THSD7B: variants seen among roughly 807,000 people sequenced by gnomAD.
The protein encoded by THSD7B is thrombospondin type 1 domain containing 7B.
A neutral mutation model predicts 213.6 loss-of-function variants in THSD7B; 138 were observed. The observed-to-expected ratio is 0.65, with a 90% CI of 0.56 to 0.74. The LOEUF (loss-of-function observed/expected upper bound fraction) is 0.74, where lower values mean the gene tolerates loss of function less well. Ranked by LOEUF, THSD7B falls within the 30% of genes least tolerant of loss-of-function variation. The pLI is 0.00. For synonymous variants in THSD7B, 742 were observed against 687.0 expected, an observed-to-expected ratio of 1.08 and a Z score of -1.25; for missense variants, 1,931 against 1,991.5, an observed-to-expected ratio of 0.97 and a Z score of 0.58.
chr2:137,167,603 C>T (rs776046467), intron 6 of THSD7B, among the ~76,000 whole-genome samples: 7 of 152,124 alleles, frequency 4.6e-5, no homozygotes, highest in African/African-American at 1.4e-4. Flanking sequence ...AAACACTGAC[C>T]CCTTTTCTGC....
rs960817954 is a variant in THSD7B, at chr2:137,302,946, A to G, written c.2500+26920A>G. 2.6e-5 allele frequency among the ~76,000 whole-genome samples: 4 copies of G among 152,238 alleles called. No individual in the cohort carries two copies. In the East Asian group the frequency reaches 7.7e-4, roughly 29 times the overall value. On this transcript the variant is annotated intron_variant, in intron 12 of 27. Coordinates refer to ENST00000409968, the MANE Select transcript of THSD7B (RefSeq NM_001316349.2). Reference sequence around the variant, plus strand: ...CAAGTCAACTCAAAAGTAACTCGGTATGTAGTTCTCAAATGCAGGTGCAAA... The same window carrying G: ...CAAGTCAACTCAAAAGTAACTCGGTGTGTAGTTCTCAAATGCAGGTGCAAA...
chr2:137,193,742 T>C (rs1426613593), intron 7 of THSD7B, among the ~76,000 whole-genome samples: 1 of 151,918 alleles, frequency 6.6e-6, no homozygotes. Flanking sequence ...AGGACTGTTA[T>C]AAACTGGAAT....
Position 136,861,194 on chromosome 2 carries a change from A to G in THSD7B, c.-35-20950A>G, listed in dbSNP as rs376715551. Among the ~76,000 whole-genome samples, 9 of 152,348 alleles carry G rather than the reference A, an allele frequency of 5.9e-5. No individual in the cohort carries two copies. The East Asian group carries it at 1.2e-3, about 20-fold the overall frequency. On this transcript the variant is annotated intron_variant, in intron 1 of 27. Coordinates refer to ENST00000409968, the MANE Select transcript of THSD7B (RefSeq NM_001316349.2). ...AAGTGAGATGAACCTATTTTGTTACATGTGGAAGGTAGGACCTGGCATAGG... is the reference window on the plus strand; with the variant it reads ...AAGTGAGATGAACCTATTTTGTTACGTGTGGAAGGTAGGACCTGGCATAGG...
intron 1 of THSD7B, among the ~76,000 whole-genome samples, chr2:136,797,303 C>G (rs149127714): frequency 1.8e-4 from 28 of 152,048 alleles, no homozygotes; most frequent in African/African-American, 6.5e-4. Flanking sequence ...AACACTTTCT[C>G]TCACTCTCTG....
intron 17 of THSD7B, among the ~76,000 whole-genome samples, chr2:137,576,728 G>A (rs2105240136): frequency 6.6e-6 from 1 of 151,924 alleles, no homozygotes; most frequent in Middle Eastern, 3.4e-3. Flanking sequence ...CTTTAGAAGA[G>A]AAAGAGAAAT....
rs373807783 is a variant in THSD7B at position 137,667,608 on chromosome 2, G to A, written c.4652-166G>A. On this transcript the variant is annotated intron_variant, in intron 26 of 27. Transcript: ENST00000409968. ...ACCTGGCAATTTACAGAGTATGCTA[G>A]AGCATTGCTAACTTCTGCAGTTGAG... is the stretch of plus-strand genomic sequence containing the variant. 9.0e-4 allele frequency among the ~76,000 whole-genome samples: 137 copies of A among 152,226 alleles called. 3 individuals are homozygous for A. In the South Asian group the frequency reaches 0.025, roughly 28 times the overall value.
intron 1 of THSD7B, among the ~76,000 whole-genome samples, chr2:136,881,647 C>G (rs924086719): frequency 1.3e-5 from 2 of 151,974 alleles, no homozygotes; most frequent in African/African-American, 4.8e-5. Flanking sequence ...AAAAGGTATA[C>G]ATTTAACATT....
intron 1 of THSD7B, among the ~76,000 whole-genome samples, chr2:136,772,949 G>A (rs911609742): frequency 5.3e-5 from 8 of 152,012 alleles, no homozygotes; most frequent in African/African-American, 1.7e-4. Context: ...ATATACTGTT[G>A]GAATCTGACC....
intron 12 of THSD7B, among the ~76,000 whole-genome samples, chr2:137,378,606 C>T (rs2104960567): frequency 6.6e-6 from 1 of 152,274 alleles, no homozygotes; most frequent in South Asian, 2.1e-4. Flanking sequence ...ACTTTTCTTT[C>T]TTCCTTGGAC....
At chr2:136,785,556 C>T (rs1335338536) in intron 1 of THSD7B, among the ~76,000 whole-genome samples, 1 of 152,182 alleles carries the variant, frequency 6.6e-6, no homozygotes, top group Non-Finnish European at 1.5e-5. Flanking sequence ...GCTTCCAGCT[C>T]TTGTTTTCCA....
At chr2:137,228,066 T>C (rs1458092417) in intron 7 of THSD7B, among the ~76,000 whole-genome samples, 1 of 152,042 alleles carries the variant, frequency 6.6e-6, no homozygotes, top group East Asian at 1.9e-4. Context: ...AGTGACTAAA[T>C]GTTGGTAGCT....
At chr2:137,334,306 G>C (rs1486391465) in intron 12 of THSD7B, among the ~76,000 whole-genome samples, 4 of 152,022 alleles carry the variant, frequency 2.6e-5, no homozygotes, top group Non-Finnish European at 4.4e-5. Flanking sequence ...CACCATCACT[G>C]TTCTTTTCCT....
chr2:137,368,621 A>G (rs1266896063), intron 12 of THSD7B, among the ~76,000 whole-genome samples: 1 of 152,184 alleles, frequency 6.6e-6, no homozygotes, highest in African/African-American at 2.4e-5. Flanking sequence ...AATTTAGAAA[A>G]TCAGAATTGA....
intron 7 of THSD7B, among the ~76,000 whole-genome samples, chr2:137,216,125 A>C (rs1681236800): frequency 1.3e-5 from 2 of 152,112 alleles, no homozygotes; most frequent in African/African-American, 4.8e-5. Flanking sequence ...CTGTATATGA[A>C]AGTTTGTGAA....
At chr2:137,510,847 C>A (rs902886655) in intron 15 of THSD7B, among the ~76,000 whole-genome samples, 2 of 152,042 alleles carry the variant, frequency 1.3e-5, no homozygotes, top group African/African-American at 4.8e-5. Flanking sequence ...GGTGCAGTCT[C>A]CTTTGTGTTT....
chr2:137,124,326 A>G (rs1288552035), intron 5 of THSD7B, among the ~76,000 whole-genome samples: 1 of 152,214 alleles, frequency 6.6e-6, no homozygotes, highest in Non-Finnish European at 1.5e-5. Flanking sequence ...TGCCAATTTA[A>G]CTGGCAAGTA....
chr2:137,174,158 C>T (rs2104998435), intron 7 of THSD7B, among the ~76,000 whole-genome samples: 1 of 152,204 alleles, frequency 6.6e-6, no homozygotes, highest in Non-Finnish European at 1.5e-5. Context: ...GCTTGTTTAC[C>T]ATTTTTAGGC....
intron 5 of THSD7B, among the ~76,000 whole-genome samples, chr2:137,157,290 A>T (rs1226515758): frequency 2.0e-5 from 3 of 152,194 alleles, no homozygotes; most frequent in Non-Finnish European, 4.4e-5. Flanking sequence ...AAAGCTGCCC[A>T]TGGGGTCTCC....
At chr2:137,490,211 G>A (rs1292829437) in intron 15 of THSD7B, among the ~76,000 whole-genome samples, 1 of 152,126 alleles carries the variant, frequency 6.6e-6, no homozygotes, top group Non-Finnish European at 1.5e-5. Flanking sequence ...TCAAATAAGA[G>A]CAAGCGACTT....
Sources: gnomAD v4.1 joint callset for allele counts (sites outside exome capture counted in the v4.1 genomes callset) on GRCh38, gnomAD v4.1.1 for gene constraint, MANE v1.5 for transcripts, NCBI Gene and HGNC (gene_info 2026-07-23, HGNC 2026-07-21) for gene names.